Variants in ZNF704 observed in about 807,000 individuals in gnomAD.
ZNF704 encodes the protein zinc finger protein 704.
In ZNF704, 10 loss-of-function variants were observed where a neutral mutation model predicts 44.7. That is an observed-to-expected ratio of 0.22 (90% CI 0.14 to 0.38). ZNF704 has a LOEUF of 0.38. Among genes scored for constraint, ZNF704 ranks in the 10% least tolerant of loss-of-function variants. The pLI is 1.00. For missense variants in ZNF704, 390 were observed against 545.5 expected (o/e 0.71, Z 2.84); for synonymous variants, 211 against 207.6 (o/e 1.02, Z -0.14).
intron 2 of ZNF704, among the ~76,000 whole-genome samples, chr8:80,716,990 C>T (rs556860081): frequency 1.3e-4 from 20 of 152,216 alleles, no homozygotes; most frequent in Non-Finnish European, 2.5e-4. Context: ...CCAATTAAAA[C>T]ACTGCTTAAA....
At chr8:80,824,297 C>T (rs1389823881) in intron 1 of ZNF704, among the ~76,000 whole-genome samples, 5 of 152,102 alleles carry the variant, frequency 3.3e-5, no homozygotes, top group Non-Finnish European at 5.9e-5. Flanking sequence ...CTTCAGTAGC[C>T]GATTTGATCA....
intron 1 of ZNF704, among the ~76,000 whole-genome samples, chr8:80,863,146 C>A (rs1021529962): frequency 4.6e-5 from 7 of 151,994 alleles, no homozygotes; most frequent in African/African-American, 1.7e-4. Context: ...TTCTAAGATC[C>A]CCTTTCTAAT....
intron 2 of ZNF704, among the ~76,000 whole-genome samples, chr8:80,792,685 A>C (rs1252694804): frequency 6.6e-6 from 1 of 152,242 alleles, no homozygotes; most frequent in Non-Finnish European, 1.5e-5. Flanking sequence ...GCTTTGCTGA[A>C]GCAAGCTGGT....
intron 1 of ZNF704, among the ~76,000 whole-genome samples, chr8:80,832,374 C>T (rs1435140853): frequency 1.3e-5 from 2 of 152,150 alleles, no homozygotes; most frequent in Admixed American, 6.6e-5. Context: ...ATCATAACGG[C>T]GCATCAGAAA....
intron 2 of ZNF704, among the ~76,000 whole-genome samples, chr8:80,694,008 A>G (rs534806037): frequency 1.8e-4 from 27 of 152,272 alleles, no homozygotes; most frequent in African/African-American, 5.5e-4. Context: ...CAGTGGCAGG[A>G]GACCCAGCAG....
At chr8:80,798,751 A>G (rs559928953) in intron 2 of ZNF704, among the ~76,000 whole-genome samples, 7 of 152,322 alleles carry the variant, frequency 4.6e-5, no homozygotes, top group African/African-American at 1.7e-4. Flanking sequence ...CAGGAATTTG[A>G]TATCAGCAAC....
intron 2 of ZNF704, among the ~76,000 whole-genome samples, chr8:80,726,958 T>C (rs1176516170): frequency 6.6e-6 from 1 of 152,220 alleles, no homozygotes; most frequent in Admixed American, 6.5e-5. Context: ...CCAGGCACTG[T>C]TCTTAAAGAT....
At chr8:80,726,056 T>C (rs1161232520) in intron 2 of ZNF704, among the ~76,000 whole-genome samples, 1 of 151,918 alleles carries the variant, frequency 6.6e-6, no homozygotes, top group Admixed American at 6.5e-5. Flanking sequence ...TTGATTTAAA[T>C]AAGATTTTAA....
chr8:80,866,103 T>C (rs1489520743), intron 1 of ZNF704, among the ~76,000 whole-genome samples: 1 of 152,210 alleles, frequency 6.6e-6, no homozygotes, highest in African/African-American at 2.4e-5. Context: ...TAACCAGCTA[T>C]TCAGGAATCA....
intron 2 of ZNF704, among the ~76,000 whole-genome samples, chr8:80,767,532 A>G (rs1480667602): frequency 6.6e-6 from 1 of 152,224 alleles, no homozygotes; most frequent in Non-Finnish European, 1.5e-5. Context: ...TTTTAATCAT[A>G]AAATAGTGCA....
intron 2 of ZNF704, among the ~76,000 whole-genome samples, chr8:80,747,279 A>C (rs1354652134): frequency 1.3e-5 from 2 of 151,884 alleles, no homozygotes; most frequent in East Asian, 1.9e-4. Flanking sequence ...GAATCTTGCT[A>C]TTCTGGTACC....
At chr8:80,781,657 C>T (rs1379681317) in intron 2 of ZNF704, among the ~76,000 whole-genome samples, 2 of 152,156 alleles carry the variant, frequency 1.3e-5, no homozygotes, top group Non-Finnish European at 2.9e-5. Context: ...AAGGAATACA[C>T]CAGGATAATC....
At chr8:80,876,103 T>C (rs2130094497), upstream of ZNF704, among the ~76,000 whole-genome samples, 1 of 152,256 alleles carries the variant, frequency 6.6e-6, no homozygotes, top group African/African-American at 2.4e-5. Context: ...AAAGTGGAAG[T>C]TTCTAACAGT....
chr8:80,803,951 T>C (rs1394304500), intron 2 of ZNF704, among the ~76,000 whole-genome samples: 1 of 152,088 alleles, frequency 6.6e-6, no homozygotes, highest in Non-Finnish European at 1.5e-5. Flanking sequence ...AAAGGTCTAA[T>C]ATCCAGTTTA....
Position 80,631,804 on chromosome 8 carries a change from C to T in ZNF704, c.*9562G>A, listed in dbSNP as rs375021707. 19 of 152,322 alleles carry T rather than the reference C, an allele frequency of 1.2e-4. 1 individual carries two copies. Among genetic ancestry groups the T allele is most frequent in the African/African-American group, 4.3e-4 (18 of 41,566 alleles). The allele number at this position is 152,322 out of a possible 1,614,324, so 9.4% of individuals were successfully genotyped here. A position where few individuals can be genotyped will look rare whatever the true frequency, so the allele number is the denominator to read the frequency against. ...GTTCAGACAGATGGAATATTTCCCC[C>T]GAAGGGAGGGAATAGCCACACTGAC... On this transcript the variant is annotated 3_prime_UTR_variant, in exon 9 of 9. Transcript: ENST00000327835.
At chr8:80,709,071 C>T (rs1818941668) in intron 2 of ZNF704, among the ~76,000 whole-genome samples, 1 of 152,124 alleles carries the variant, frequency 6.6e-6, no homozygotes, top group Non-Finnish European at 1.5e-5. Context: ...TCTCTTCCTA[C>T]TTGGTATGTT....
intron 2 of ZNF704, among the ~76,000 whole-genome samples, chr8:80,730,557 A>C (rs1333649663): frequency 1.3e-5 from 2 of 150,282 alleles, no homozygotes; most frequent in African/African-American, 5.0e-5. Flanking sequence ...AAAAAAAAAA[A>C]AAAAAAAAAA....
At chr8:80,846,929 T>C (rs1041514024) in intron 1 of ZNF704, among the ~76,000 whole-genome samples, 4 of 152,158 alleles carry the variant, frequency 2.6e-5, no homozygotes, top group African/African-American at 9.7e-5. Context: ...TCTCAGCATT[T>C]TGGGAGGCTG....
At chr8:80,814,374 C>T (rs1484838357) in intron 2 of ZNF704, 1 of 152,194 alleles carries the variant, frequency 6.6e-6, no homozygotes, top group African/African-American at 2.4e-5. Flanking sequence ...TATACTGGTT[C>T]CTACCATTTC....
Sources: gnomAD v4.1 joint callset for allele counts (sites outside exome capture counted in the v4.1 genomes callset) on GRCh38, gnomAD v4.1.1 for gene constraint, MANE v1.5 for transcripts, NCBI Gene and HGNC (gene_info 2026-07-23, HGNC 2026-07-21) for gene names.